The following HSD17B3 variants were observed in gnomAD, a reference collection of about 807,000 sequenced individuals.
The protein encoded by HSD17B3 is 17-beta-hydroxysteroid dehydrogenase type 3.
HSD17B3 carries 29 observed loss-of-function variants against 41.1 expected under a neutral mutation model. The observed-to-expected ratio is 0.71, with a 90% confidence interval of 0.53 to 0.96. The LOEUF is 0.96. Among genes scored for constraint, HSD17B3 ranks in the 40% least tolerant of loss-of-function variants. HSD17B3 has a pLI of 0.00. For synonymous variants in HSD17B3, 126 were observed against 145.6 expected (o/e 0.87, Z 0.97); for missense variants, 323 against 374.6 (o/e 0.86, Z 1.14).
intron 2 of HSD17B3, 48 bp downstream of exon 2, chr9:96,298,368 T>C: frequency 6.8e-7 from 1 of 1,469,030 alleles, no homozygotes; most frequent in Non-Finnish European, 9.5e-7. Context: ...CTCAGGACTG[T>C]GATTGTTCAA....
At chr9:96,248,596 T>C (rs774947936) in intron 6 of HSD17B3, among the ~76,000 whole-genome samples, 9 of 152,200 alleles carry the variant, frequency 5.9e-5, no homozygotes, top group Non-Finnish European at 1.0e-4. Context: ...CAGCTGTGAA[T>C]GTTGTGTACT....
In HSD17B3 at chr9:96,235,409, C is replaced by T. The variant is rs772600077; in HGVS notation, c.*51G>A. The T allele has an allele frequency of 1.6e-6, 2 of 1,282,556 alleles. No homozygotes were observed. The highest frequency in any genetic ancestry group is 2.4e-5 in the East Asian group (1 of 42,266). The allele number at this position is 1,282,556 out of a possible 1,614,324, so 79.4% of individuals were successfully genotyped here. A position where few individuals can be genotyped will look rare whatever the true frequency, so the allele number is the denominator to read the frequency against. On this transcript the variant is annotated 3_prime_UTR_variant, in exon 11 of 11. Coordinates refer to ENST00000375263, the MANE Select transcript of HSD17B3 (RefSeq NM_000197.2). ...GGTCTGCTCCTCTGGTCCTCTTCAGCCAGCATGGGACTGGTGAGGAAAAGG... is the reference window on the plus strand; with the variant it reads ...GGTCTGCTCCTCTGGTCCTCTTCAGTCAGCATGGGACTGGTGAGGAAAAGG...
chr9:96,272,435 ATATATATATAT>A (rs1564048545), intron 2 of HSD17B3, among the ~76,000 whole-genome samples: 25 of 92,722 alleles, frequency 2.7e-4, no homozygotes, highest in Middle Eastern at 5.2e-3. Flanking sequence ...ATATATATAT[ATATATATATAT>A]AAAATATATA....
chr9:96,248,657 G>A (rs1313385139), intron 6 of HSD17B3, among the ~76,000 whole-genome samples: 1 of 152,228 alleles, frequency 6.6e-6, no homozygotes, highest in Non-Finnish European at 1.5e-5. Flanking sequence ...TCACTCACAA[G>A]CCACGTGTCC....
intron 2 of HSD17B3, among the ~76,000 whole-genome samples, chr9:96,270,074 T>G (rs1189881241): frequency 1.3e-5 from 2 of 152,192 alleles, no homozygotes; most frequent in Non-Finnish European, 2.9e-5. Context: ...GTTTTACATG[T>G]GTCGGGGTGA....
intron 2 of HSD17B3, among the ~76,000 whole-genome samples, chr9:96,265,789 T>A (rs1336961097): frequency 6.6e-6 from 1 of 152,190 alleles, no homozygotes; most frequent in Non-Finnish European, 1.5e-5. Context: ...TAGCTTTACA[T>A]AAAACTACAA....
chr9:96,280,881 C>T (rs1033231536), intron 2 of HSD17B3, among the ~76,000 whole-genome samples: 38 of 152,118 alleles, frequency 2.5e-4, no homozygotes, highest in Non-Finnish European at 7.4e-5. Context: ...CCACCAGCGC[C>T]GTGACAGTTT....
intron 2 of HSD17B3, among the ~76,000 whole-genome samples, chr9:96,281,250 T>C (rs1826679702): frequency 6.6e-6 from 1 of 152,008 alleles, no homozygotes; most frequent in Non-Finnish European, 1.5e-5. Flanking sequence ...AACATCTTTC[T>C]CACTAACCCT....
chr9:96,302,085 T>C lies in HSD17B3; in HGVS notation c.20A>G (p.Gln7Arg). 4 of 1,614,126 alleles carry C rather than the reference T, an allele frequency of 2.5e-6. No homozygotes were observed. Among genetic ancestry groups the C allele is most frequent in the Non-Finnish European group, 3.4e-6 (4 of 1,180,034 alleles). Residue 7 changes from glutamine to arginine, a missense_variant, in exon 1 of 11, where the codon CAG (glutamine) becomes CGG (arginine). By Grantham distance (43) the Gln-to-Arg change is conservative. Transcript: ENST00000375263. The part of the protein sequence containing the change: MGDVLE[Q>R]FFILTGLLVC... ...CAGCAGCCCTGTGAGGATGAAGAAC[T>C]GTTCCAGGACGTCCCCCATGGCTGC...
chr9:96,300,209 GACACACACACACACACAC>G (rs55707445), intron 1 of HSD17B3, among the ~76,000 whole-genome samples: 11 of 116,372 alleles, frequency 9.5e-5, no homozygotes, highest in African/African-American at 3.1e-4. Context: ...ACCCCAAGAG[GACACACACACACACACAC>G]ACACACACAC....
chr9:96,280,982 A>T (rs954388656), intron 2 of HSD17B3, among the ~76,000 whole-genome samples: 5 of 152,272 alleles, frequency 3.3e-5, no homozygotes, highest in African/African-American at 1.2e-4. Flanking sequence ...TATCATCAAG[A>T]AATAACCATA....
At chr9:96,286,216 T>G (rs995784266) in intron 2 of HSD17B3, among the ~76,000 whole-genome samples, 4 of 152,036 alleles carry the variant, frequency 2.6e-5, no homozygotes, top group Non-Finnish European at 4.4e-5. Flanking sequence ...TGCTAGTGGG[T>G]GCCTGTAATT....
chr9:96,279,386 T>G (rs1317013336), intron 2 of HSD17B3, among the ~76,000 whole-genome samples: 1 of 152,128 alleles, frequency 6.6e-6, no homozygotes, highest in East Asian at 1.9e-4. Context: ...ATAGGTGGAT[T>G]CAAAGATTTC....
intron 2 of HSD17B3, among the ~76,000 whole-genome samples, chr9:96,292,438 C>A (rs544431794): frequency 6.6e-6 from 1 of 152,172 alleles, no homozygotes; most frequent in Non-Finnish European, 1.5e-5. Flanking sequence ...ACAATCTTTG[C>A]CTCCTGGATT....
At position 96,259,318 on chromosome 9, in the gene HSD17B3, G is replaced by T. The variant is rs116133172; in HGVS notation, c.202-4375C>A. On this transcript the variant is annotated intron_variant, in intron 2 of 10. Coordinates refer to ENST00000375263, the MANE Select transcript of HSD17B3 (RefSeq NM_000197.2). ...TGCCATGATGACCTGAATTATTTTG[G>T]ATAGAAGACACTTCAGGATTCAATA... Among the ~76,000 whole-genome samples, 457 of 152,246 alleles carry T rather than the reference G, an allele frequency of 3.0e-3. 2 individuals are homozygous for T. Among genetic ancestry groups the T allele is most frequent in the African/African-American group, 0.011 (442 of 41,538 alleles).
intron 2 of HSD17B3, among the ~76,000 whole-genome samples, chr9:96,266,038 GAA>G (rs1257265728): frequency 6.6e-6 from 1 of 152,200 alleles, no homozygotes; most frequent in African/African-American, 2.4e-5. Flanking sequence ...TCAAGGAAAA[GAA>G]GAGAGCACAC....
intron 2 of HSD17B3, among the ~76,000 whole-genome samples, chr9:96,258,531 T>A (rs376069622): frequency 1.3e-5 from 2 of 152,328 alleles, no homozygotes; most frequent in East Asian, 3.9e-4. Context: ...CTTTGATAAC[T>A]TTCCAATATT....
chr9:96,275,464 C>T (rs925058780), intron 2 of HSD17B3, among the ~76,000 whole-genome samples: 3 of 151,994 alleles, frequency 2.0e-5, no homozygotes, highest in African/African-American at 7.3e-5. Flanking sequence ...CCTGTGGTCT[C>T]AGCTACTTGG....
At chr9:96,264,365 G>A (rs558314108) in intron 2 of HSD17B3, among the ~76,000 whole-genome samples, 1 of 151,874 alleles carries the variant, frequency 6.6e-6, no homozygotes, top group East Asian at 1.9e-4. Context: ...AAATGAGAGA[G>A]GGACTTTGTA....
Sources: gnomAD v4.1 joint callset for allele counts (sites outside exome capture counted in the v4.1 genomes callset) on GRCh38, gnomAD v4.1.1 for gene constraint, MANE v1.5 for transcripts, NCBI Gene and HGNC (gene_info 2026-07-23, HGNC 2026-07-21) for gene names.